The following BAAT variants were observed in gnomAD, a reference collection of about 807,000 sequenced individuals.
BAAT encodes the protein bile acid CoA: amino acid N-acyltransferase (glycine N-choloyltransferase).
BAAT carries 13 observed loss-of-function variants against 18.9 expected under a neutral mutation model. The observed-to-expected ratio is 0.69, with a 90% CI of 0.45 to 1.10. The LOEUF is 1.10. Ranked by LOEUF, BAAT falls within the 50% of genes least tolerant of loss-of-function variation. The pLI is 0.00. For missense variants in BAAT, 489 were observed against 504.0 expected, an observed-to-expected ratio of 0.97 and a Z score of 0.28; for synonymous variants, 170 against 190.7, an observed-to-expected ratio of 0.89 and a Z score of 0.89.
rs765137433 is a variant in BAAT, at chr9:101,371,279, G to T, written c.126C>A (p.Asp42Glu). 8.2e-5 allele frequency: 133 copies of T among 1,613,026 alleles called. No homozygotes were observed. Among genetic ancestry groups the T allele is most frequent in the Non-Finnish European group, 1.1e-4 (128 of 1,179,306 alleles). Reference sequence around the variant, plus strand: ...TATAGTGGGCTTGAGAATAAAACATGTCTCCGTTTTCATCTTCCAGTGATG... The same window carrying T: ...TATAGTGGGCTTGAGAATAAAACATTTCTCCGTTTTCATCTTCCAGTGATG... ...FQASLEDENG[D>E]MFYSQAHYRA... Residue 42 changes from aspartate (D) to glutamate (E), a missense_variant, in exon 2 of 4, where the codon GAC becomes GAA. Coordinates refer to ENST00000259407, the MANE Select transcript of BAAT (RefSeq NM_001701.4).
At chr9:101,363,694 G>A (rs1829775143) in intron 3 of BAAT, among the ~76,000 whole-genome samples, 1 of 151,530 alleles carries the variant, frequency 6.6e-6, no homozygotes. Context: ...TCTATGATAT[G>A]AGAATGTATG....
chr9:101,366,812 TA>T (rs1409433431), intron 3 of BAAT, among the ~76,000 whole-genome samples: 6 of 151,538 alleles, frequency 4.0e-5, no homozygotes, highest in Admixed American at 6.6e-5. Flanking sequence ...GATCCTTATA[TA>T]AAAAAACATG....
At chr9:101,373,932 A>G (rs1829998952) in intron 1 of BAAT, among the ~76,000 whole-genome samples, 1 of 152,226 alleles carries the variant, frequency 6.6e-6, no homozygotes. Context: ...TGCTTCTGTT[A>G]TTTGTGACAT....
In BAAT at chr9:101,368,388, A is replaced by G; in HGVS notation, c.467-66T>C. 4 of 1,402,486 alleles carry G rather than the reference A, an allele frequency of 2.9e-6. No homozygotes were observed. The East Asian group carries it at 9.8e-5, about 34-fold the overall frequency. 86.9% of individuals were successfully genotyped at this position (1,402,486 alleles called of 1,614,324 possible). The stretch of plus-strand genomic sequence containing the variant: ...GTGGAAAAGATAAGAAAACTTGAAA[A>G]TACAAAGCAGAAATACAAATGATTA... On this transcript the variant is annotated intron_variant, in intron 2 of 3. Transcript: ENST00000259407.
In BAAT at chr9:101,362,330, T is replaced by C; in HGVS notation, c.*98A>G. On this transcript the variant is annotated 3_prime_UTR_variant, in exon 4 of 4. Transcript: ENST00000259407. Reference sequence around the variant, plus strand: ...TAATCATTAAAATTAATACAAAATGTGTGTGTGGCAGCTGGGGGAGACATT... The same window carrying C: ...TAATCATTAAAATTAATACAAAATGCGTGTGTGGCAGCTGGGGGAGACATT... 1 of 1,223,282 alleles carries C rather than the reference T, an allele frequency of 8.2e-7. No homozygotes were observed. Among genetic ancestry groups the C allele is most frequent in the Non-Finnish European group, 1.2e-6 (1 of 854,092 alleles). 75.8% of individuals were successfully genotyped at this position (1,223,282 alleles called of 1,614,324 possible). A position where few individuals can be genotyped will look rare whatever the true frequency, so the allele number is the denominator to read the frequency against.
intron 1 of BAAT, among the ~76,000 whole-genome samples, chr9:101,384,135 C>T (rs988521448): frequency 6.6e-6 from 1 of 152,104 alleles, no homozygotes; most frequent in Non-Finnish European, 1.5e-5. Flanking sequence ...AACTTAAATT[C>T]AACTTAATTT....
chr9:101,376,919 C>G (rs1830057875), intron 1 of BAAT, among the ~76,000 whole-genome samples: 1 of 152,130 alleles, frequency 6.6e-6, no homozygotes, highest in Admixed American at 6.5e-5. Context: ...CTGTGAAAAG[C>G]TATTGTGAAT....
intron 3 of BAAT, among the ~76,000 whole-genome samples, chr9:101,367,908 C>G (rs1239627023): frequency 6.6e-6 from 1 of 152,204 alleles, no homozygotes; most frequent in Non-Finnish European, 1.5e-5. Context: ...ATTTATTTCT[C>G]ATCCAGTGTC....
At chr9:101,370,739 G>A (rs775590463) in intron 2 of BAAT, among the ~76,000 whole-genome samples, 200 bp downstream of exon 2, 1 of 152,124 alleles carries the variant, frequency 6.6e-6, no homozygotes, top group Non-Finnish European at 1.5e-5. Flanking sequence ...GGTTAACATT[G>A]ATTGTAAGGC....
At chr9:101,363,249 G>T (rs1455751095) in intron 3 of BAAT, among the ~76,000 whole-genome samples, 1 of 152,202 alleles carries the variant, frequency 6.6e-6, no homozygotes, top group Non-Finnish European at 1.5e-5. Flanking sequence ...GTTAGGTTCT[G>T]AGTTTAAAAT....
rs777645424 is a variant in BAAT at position 101,362,989 on chromosome 9, G to A, written c.696C>T (p.Val232=). Residue 232 remains valine, a synonymous_variant, in exon 4 of 4, where the codon GTC becomes GTT. Transcript: ENST00000259407. ...CAATCTGTACTCCTTGACATACAGA[G>A]ACTACCCCAACGCCTGAGCCAAAGA... is the stretch of plus-strand genomic sequence containing the variant. ...PKVFGSGVGV[V]SVCQGVQIGL... is the part of the protein sequence containing the mutation. 3.1e-6 allele frequency: 5 copies of A among 1,613,742 alleles called. No individual in the cohort carries two copies. Among genetic ancestry groups the A allele is most frequent in the Admixed American group, 1.7e-5 (1 of 59,962 alleles).
rs948241593 is a variant in BAAT at position 101,363,673 on chromosome 9, G to A, written c.670-658C>T. Among the ~76,000 whole-genome samples, 41 of 151,734 alleles carry A rather than the reference G, an allele frequency of 2.7e-4. 1 individual carries two copies. Among genetic ancestry groups the A allele is most frequent in the African/African-American group, 9.2e-4 (38 of 41,308 alleles). On this transcript the variant is annotated intron_variant, in intron 3 of 3. Transcript: ENST00000259407. The stretch of plus-strand genomic sequence containing the variant: ...AAAAAAAACACACCAGATGATTGGA[G>A]CATCATAAATTCTATGATATGAGAA...
chr9:101,363,644 GA>G (rs78881889), intron 3 of BAAT, among the ~76,000 whole-genome samples: 23,580 of 145,408 alleles, frequency 0.16, 2,028 homozygotes, highest in African/African-American at 0.22. Flanking sequence ...GACACAGGAG[GA>G]AAAAAAAAAA....
intron 2 of BAAT, 143 bp downstream of exon 2, chr9:101,370,796 G>C: frequency 1.1e-6 from 1 of 919,466 alleles, no homozygotes; most frequent in Admixed American, 2.1e-5. Context: ...TAAATTTCTG[G>C]AGGGATAATG....
intron 1 of BAAT, among the ~76,000 whole-genome samples, chr9:101,377,555 C>A (rs978606345): frequency 6.6e-6 from 1 of 152,152 alleles, no homozygotes; most frequent in Non-Finnish European, 1.5e-5. Context: ...GTTTACAACA[C>A]CCCTTCATGC....
intron 1 of BAAT, among the ~76,000 whole-genome samples, chr9:101,376,831 G>T (rs757457907): frequency 5.3e-5 from 8 of 152,174 alleles, no homozygotes; most frequent in Non-Finnish European, 1.0e-4. Flanking sequence ...AGATCTAAAA[G>T]TTAGAGAAAG....
chr9:101,370,885 A>G (rs1386002012), intron 2 of BAAT, 54 bp downstream of exon 2: 25 of 1,558,982 alleles, frequency 1.6e-5, no homozygotes, highest in Non-Finnish European at 2.0e-5. Flanking sequence ...TAGACGGATA[A>G]TGTATTTAAA....
chr9:101,381,077 G>A (rs1830124791), intron 1 of BAAT, among the ~76,000 whole-genome samples: 1 of 151,994 alleles, frequency 6.6e-6, no homozygotes, highest in Non-Finnish European at 1.5e-5. Flanking sequence ...ATTTGTATGT[G>A]TATTTGTGTA....
chr9:101,374,488 C>A (rs1028824558), intron 1 of BAAT, among the ~76,000 whole-genome samples: 1 of 152,076 alleles, frequency 6.6e-6, no homozygotes. Context: ...AATCTTGAAA[C>A]TCCAAACTAG....
Sources: gnomAD v4.1 joint callset for allele counts (sites outside exome capture counted in the v4.1 genomes callset) on GRCh38, gnomAD v4.1.1 for gene constraint, MANE v1.5 for transcripts, NCBI Gene and HGNC (gene_info 2026-07-23, HGNC 2026-07-21) for gene names.